The following LARP4 variants were observed in gnomAD, a reference collection of about 807,000 sequenced individuals.
LARP4 encodes la-related protein 4.
Under a neutral mutation model 92.9 loss-of-function variants are expected in LARP4, and 29 were observed. That is an observed-to-expected ratio of 0.31 (90% CI 0.23 to 0.43). LARP4 has a LOEUF of 0.43. Ranked by LOEUF, LARP4 falls within the 20% of genes least tolerant of loss-of-function variation. LARP4 has a pLI of 1.00. For missense variants in LARP4, 732 were observed against 860.0 expected (o/e 0.85, Z 1.86); for synonymous variants, 279 against 284.1 (o/e 0.98, Z 0.18).
intron 1 of LARP4, chr12:50,415,807 GCTCTC>G (rs1326549000): frequency 6.6e-6 from 1 of 150,878 alleles, no homozygotes; most frequent in East Asian, 1.9e-4. Flanking sequence ...TCCTGTCTCA[GCTCTC>G]CAAGTGGCTG....
At chr12:50,465,680 C>T (rs116209675) in intron 12 of LARP4, among the ~76,000 whole-genome samples, 2 of 152,206 alleles carry the variant, frequency 1.3e-5, no homozygotes, top group African/African-American at 2.4e-5. Context: ...GATTATTCAG[C>T]ATGCTGTTTG....
chr12:50,454,470 T>C, intron 10 of LARP4, 53 bp downstream of exon 10: 4 of 1,313,628 alleles, frequency 3.0e-6, no homozygotes, highest in Non-Finnish European at 4.3e-6. Flanking sequence ...TAATGGATCT[T>C]AAGGCATTAA....
At chr12:50,460,128 C>G (rs899849641) in intron 10 of LARP4, among the ~76,000 whole-genome samples, 1 of 148,610 alleles carries the variant, frequency 6.7e-6, no homozygotes, top group African/African-American at 2.5e-5. Context: ...GAGCAAGACT[C>G]CATCTCACCA....
intron 8 of LARP4, among the ~76,000 whole-genome samples, chr12:50,447,942 A>C (rs962673411): frequency 6.6e-6 from 1 of 152,010 alleles, no homozygotes; most frequent in African/African-American, 2.4e-5. Flanking sequence ...ATCTCAGCAC[A>C]TGGCAACCTC....
intron 5 of LARP4, among the ~76,000 whole-genome samples, chr12:50,436,113 T>TGC (rs1950401392): frequency 6.9e-6 from 1 of 143,948 alleles, no homozygotes; most frequent in Non-Finnish European, 1.5e-5. Context: ...TGTGTGTGTG[T>TGC]GTGTGTGATA....
chr12:50,469,901 C>T (rs919392640), intron 13 of LARP4, among the ~76,000 whole-genome samples: 3 of 149,352 alleles, frequency 2.0e-5, no homozygotes, highest in Non-Finnish European at 4.5e-5. Context: ...AAGAGCAAGA[C>T]TCTGTCTCAA....
At chr12:50,432,248 C>A (rs1949766575) in intron 4 of LARP4, among the ~76,000 whole-genome samples, 1 of 152,142 alleles carries the variant, frequency 6.6e-6, no homozygotes, top group Non-Finnish European at 1.5e-5. Flanking sequence ...ACATTACATA[C>A]AACAGAACCA....
intron 4 of LARP4, among the ~76,000 whole-genome samples, chr12:50,434,140 A>G (rs1176954514): frequency 6.6e-6 from 1 of 152,210 alleles, no homozygotes; most frequent in Admixed American, 6.5e-5. Context: ...ATGCAAGGAC[A>G]GGAATCAGGA....
At chr12:50,453,820 A>T (rs139939156) in intron 9 of LARP4, 148 bp downstream of exon 9, 2 of 589,842 alleles carry the variant, frequency 3.4e-6, no homozygotes, top group Non-Finnish European at 5.6e-6. Flanking sequence ...TTTCGTAGAG[A>T]TGGAATTTTG....
chr12:50,425,460 A>G (rs886864268), intron 1 of LARP4, among the ~76,000 whole-genome samples: 8 of 152,286 alleles, frequency 5.3e-5, no homozygotes, highest in African/African-American at 1.9e-4. Context: ...AAATACATGC[A>G]TTTTCTCCTA....
chr12:50,451,763 G>A (rs1192866916), intron 8 of LARP4, among the ~76,000 whole-genome samples: 1 of 152,124 alleles, frequency 6.6e-6, no homozygotes, highest in African/African-American at 2.4e-5. Context: ...CTAGAACCTA[G>A]GAGGTGGAGG....
At chr12:50,421,972 ATTTT>A (rs34349709) in intron 1 of LARP4, among the ~76,000 whole-genome samples, 1 of 141,396 alleles carries the variant, frequency 7.1e-6, no homozygotes, top group Admixed American at 7.1e-5. Context: ...CATTGGTTGG[ATTTT>A]TTTTTTTTTT....
chr12:50,420,239 C>T (rs1947503804), intron 1 of LARP4, among the ~76,000 whole-genome samples: 1 of 152,046 alleles, frequency 6.6e-6, no homozygotes, highest in Admixed American at 6.5e-5. Flanking sequence ...ACAAGTTGAA[C>T]AGCAAGTTAG....
At chr12:50,426,964 A>G (rs1948889922) in intron 1 of LARP4, among the ~76,000 whole-genome samples, 1 of 151,816 alleles carries the variant, frequency 6.6e-6, no homozygotes, top group South Asian at 2.1e-4. Context: ...TCTCGAACTC[A>G]TGAGCTCAAG....
intron 1 of LARP4, among the ~76,000 whole-genome samples, chr12:50,411,990 TC>T (rs1367535408): frequency 2.0e-5 from 3 of 152,062 alleles, no homozygotes; most frequent in African/African-American, 7.2e-5. Context: ...GCCCCTAGAC[TC>T]CTTAGGTTTA....
intron 1 of LARP4, among the ~76,000 whole-genome samples, chr12:50,422,754 C>T (rs993098321): frequency 2.0e-5 from 3 of 149,282 alleles, no homozygotes; most frequent in South Asian, 2.1e-4. Context: ...AAAGGATTTT[C>T]GCCAACTCTA....
chr12:50,435,520 C>A lies in LARP4; in HGVS notation c.431C>A (p.Ser144Tyr). Residue 144 changes from serine (S) to tyrosine (Y), a missense_variant, in exon 5 of 16, where the codon TCT (serine) becomes TAT (tyrosine). Around this residue, in one of 7 missense-constraint regions of LARP4, gnomAD observed 236 missense variants for 307.6 expected, o/e 0.77. Transcript: ENST00000398473. Reference protein sequence around the residue: ...ENLSKDLYLISQMDSDQFIPI... With the variant: ...ENLSKDLYLIYQMDSDQFIPI... ...TTGTCAAAGGATCTTTACTTGATAT[C>A]TCAAATGGATAGTGATCAGTTCATC... is the stretch of plus-strand genomic sequence containing the variant. The A allele has an allele frequency of 6.4e-7, 1 of 1,573,674 alleles. No homozygotes were observed.
At chr12:50,457,005 C>T (rs1337332165) in intron 10 of LARP4, among the ~76,000 whole-genome samples, 2 of 152,056 alleles carry the variant, frequency 1.3e-5, no homozygotes, top group East Asian at 3.8e-4. Context: ...CTCTGCTTCC[C>T]GAGTTCAAGC....
intron 4 of LARP4, among the ~76,000 whole-genome samples, chr12:50,430,780 C>A (rs1842986604): frequency 6.6e-6 from 1 of 152,016 alleles, no homozygotes; most frequent in Non-Finnish European, 1.5e-5. Flanking sequence ...TGTGCCTCAG[C>A]CTCCAGAGTA....
Sources: gnomAD v4.1 joint callset for allele counts (sites outside exome capture counted in the v4.1 genomes callset) on GRCh38, gnomAD v4.1.1 for gene constraint, gnomAD v4.1.1 regional missense constraint, MANE v1.5 for transcripts, NCBI Gene and HGNC (gene_info 2026-07-23, HGNC 2026-07-21) for gene names.